Variants in MACROD1 observed in about 807,000 individuals in gnomAD.
The protein encoded by MACROD1 is mono-ADP ribosylhydrolase 1.
Under a neutral mutation model 41.4 loss-of-function variants are expected in MACROD1, and 31 were observed. The observed-to-expected ratio is 0.75, with a 90% CI of 0.56 to 1.01. The LOEUF (loss-of-function observed/expected upper bound fraction) is 1.01. Among genes scored for constraint, MACROD1 ranks in the 50% least tolerant of loss-of-function variants. The probability of loss-of-function intolerance (pLI) is 0.00; values close to 1 mark genes in which losing one functional copy is unlikely to be tolerated. For synonymous variants in MACROD1, 252 were observed against 203.4 expected (o/e 1.24, Z -2.03); for missense variants, 473 against 460.0 (o/e 1.03, Z -0.26).
At chr11:64,085,135 G>A (rs1429773359) in intron 3 of MACROD1, among the ~76,000 whole-genome samples, 2 of 152,326 alleles carry the variant, frequency 1.3e-5, no homozygotes, top group East Asian at 3.9e-4. Context: ...GGGAGGATTG[G>A]GGGTTCTGGG....
chr11:64,094,257 C>T (rs1944538325), intron 3 of MACROD1, among the ~76,000 whole-genome samples: 1 of 152,102 alleles, frequency 6.6e-6, no homozygotes, highest in Non-Finnish European at 1.5e-5. Context: ...GGTAAAACCA[C>T]GTCTCTACTA....
intron 3 of MACROD1, among the ~76,000 whole-genome samples, chr11:64,047,053 T>A (rs899732361): frequency 2.0e-5 from 3 of 151,638 alleles, no homozygotes; most frequent in African/African-American, 4.9e-5. Flanking sequence ...CCCCCCCGGC[T>A]AGCATGCTCA....
intron 3 of MACROD1, chr11:64,149,076 T>G: frequency 2.1e-6 from 2 of 966,496 alleles, no homozygotes; most frequent in Non-Finnish European, 2.5e-6. Flanking sequence ...AAGAGGTGTA[T>G]GGGTAAACTG....
In MACROD1 at chr11:64,132,129, T is replaced by A. The variant is rs1384043713; in HGVS notation, c.517+19110A>T. On this transcript the variant is annotated intron_variant, in intron 3 of 10. Coordinates refer to ENST00000255681, the MANE Select transcript of MACROD1 (RefSeq NM_014067.4). ...CATGAGGAACACAGTCTCCTATTCATGGGGAGCTGGGGACAAGGGGACCTA... is the reference window on the plus strand; with the variant it reads ...CATGAGGAACACAGTCTCCTATTCAAGGGGAGCTGGGGACAAGGGGACCTA... 2.0e-5 allele frequency among the ~76,000 whole-genome samples: 3 copies of A among 151,886 alleles called. No homozygotes were observed. The East Asian group carries it at 5.8e-4, about 30-fold the overall frequency.
chr11:64,035,193 G>C (rs908408346), intron 3 of MACROD1, among the ~76,000 whole-genome samples: 3 of 152,192 alleles, frequency 2.0e-5, no homozygotes, highest in African/African-American at 7.2e-5. Flanking sequence ...GGGGATGGGA[G>C]GGGGCGCTGG....
In MACROD1 at chr11:64,122,521, T is replaced by G. The variant is rs1945115337; in HGVS notation, c.517+28718A>C. 6.6e-6 allele frequency among the ~76,000 whole-genome samples: 1 copy of G among 152,216 alleles called. No homozygotes were observed. Among genetic ancestry groups the G allele is most frequent in the African/African-American group, 2.4e-5 (1 of 41,454 alleles). Reference sequence around the variant, plus strand: ...GGGTCTCCTCCTTCCCCTGGGGATCTGGGAAACCCTCCCTCTGAGCCCAGC... The same window carrying G: ...GGGTCTCCTCCTTCCCCTGGGGATCGGGGAAACCCTCCCTCTGAGCCCAGC... On this transcript the variant is annotated intron_variant, in intron 3 of 10. Transcript: ENST00000255681. This position sits in a 1 kb window ranked among gnomAD's most constrained non-coding sequence, Gnocchi z 4.0.
intron 1 of MACROD1, among the ~76,000 whole-genome samples, chr11:64,158,603 T>C (rs1196633668): frequency 6.6e-6 from 1 of 152,090 alleles, no homozygotes; most frequent in Non-Finnish European, 1.5e-5. Context: ...GGTCCCATTT[T>C]ATGGATGAGG....
At chr11:64,017,264 C>T (rs762756469) in intron 3 of MACROD1, among the ~76,000 whole-genome samples, 1 of 152,166 alleles carries the variant, frequency 6.6e-6, no homozygotes, top group Non-Finnish European at 1.5e-5. Context: ...AGCCACCGCG[C>T]CTGGGCATGA....
intron 3 of MACROD1, among the ~76,000 whole-genome samples, chr11:64,075,330 A>C (rs574983858): frequency 6.6e-6 from 1 of 152,366 alleles, no homozygotes; most frequent in South Asian, 2.1e-4. Flanking sequence ...TTTAGACAGA[A>C]GTCATCTTTC....
At chr11:64,020,401 C>T (rs1943137353) in intron 3 of MACROD1, among the ~76,000 whole-genome samples, 2 of 152,128 alleles carry the variant, frequency 1.3e-5, no homozygotes, top group Non-Finnish European at 2.9e-5. Flanking sequence ...AAAACCCTCC[C>T]AGTAGGGAAC....
chr11:64,051,949 G>A (rs1020058165), intron 3 of MACROD1, among the ~76,000 whole-genome samples: 3 of 151,830 alleles, frequency 2.0e-5, no homozygotes, highest in East Asian at 1.9e-4. Context: ...ACTGGTGCCC[G>A]GACAGTGTTA....
intron 3 of MACROD1, among the ~76,000 whole-genome samples, chr11:64,127,691 A>G (rs1945206843): frequency 6.6e-6 from 1 of 152,184 alleles, no homozygotes; most frequent in Non-Finnish European, 1.5e-5. Context: ...GGGTCTCTAC[A>G]TGGAGAAGTA....
intron 3 of MACROD1, among the ~76,000 whole-genome samples, chr11:64,062,720 G>A (rs764369250): frequency 1.4e-4 from 21 of 152,268 alleles, no homozygotes; most frequent in African/African-American, 3.1e-4. Context: ...GTCCTGCCCC[G>A]CGCAGCCTGA....
At chr11:64,091,036 AAG>A (rs1399336151) in intron 3 of MACROD1, among the ~76,000 whole-genome samples, 6 of 149,438 alleles carry the variant, frequency 4.0e-5, no homozygotes, top group Non-Finnish European at 7.4e-5. Context: ...GGAGGGGAGA[AAG>A]AAGACAGAGG....
chr11:64,001,205 G>C (rs1942820092), intron 4 of MACROD1: 1 of 581,294 alleles, frequency 1.7e-6, no homozygotes, highest in African/African-American at 1.9e-5. Context: ...GCCTCAGGCA[G>C]GCCTGGGTCC....
chr11:64,117,586 C>T (rs1008474536), intron 3 of MACROD1: 2 of 1,611,700 alleles, frequency 1.2e-6, no homozygotes. Flanking sequence ...AAGACCCTGG[C>T]CATCCACGTG....
intron 3 of MACROD1, among the ~76,000 whole-genome samples, chr11:64,040,033 T>C (rs1195126316): frequency 6.6e-6 from 1 of 152,256 alleles, no homozygotes; most frequent in Non-Finnish European, 1.5e-5. Flanking sequence ...TGCTCATTCA[T>C]TCATTCATTC....
chr11:64,011,497 CCACT>C (rs1943016387), intron 4 of MACROD1, among the ~76,000 whole-genome samples: 1 of 151,856 alleles, frequency 6.6e-6, no homozygotes, highest in Non-Finnish European at 1.5e-5. Flanking sequence ...ACAGAGGGTG[CCACT>C]CACTGCACCA....
intron 3 of MACROD1, among the ~76,000 whole-genome samples, chr11:64,131,317 G>A (rs1396474348): frequency 6.6e-6 from 1 of 152,118 alleles, no homozygotes; most frequent in Non-Finnish European, 1.5e-5. Context: ...GGGGCTCCAT[G>A]ATCCCTCAAA....
Sources: allele counts gnomAD v4.1 joint callset (sites outside exome capture counted in the v4.1 genomes callset), GRCh38; gene constraint gnomAD v4.1.1; non-coding constraint Gnocchi (gnomAD v3.1); transcripts MANE v1.5; gene names NCBI Gene and HGNC (gene_info 2026-07-23, HGNC 2026-07-21).